Variants in DISP1 observed in about 807,000 individuals in gnomAD.
DISP1 encodes protein dispatched homolog 1.
Under a neutral mutation model 37.3 loss-of-function variants are expected in DISP1, and 30 were observed. That is an observed-to-expected ratio of 0.80 (90% CI 0.60 to 1.09). The LOEUF is 1.09. Among genes scored for constraint, DISP1 ranks in the 50% least tolerant of loss-of-function variants. The pLI is 0.00. For missense variants in DISP1, 1,598 were observed against 1,879.5 expected, an observed-to-expected ratio of 0.85 and a Z score of 2.77; for synonymous variants, 634 against 690.2, an observed-to-expected ratio of 0.92 and a Z score of 1.28.
rs762729584 is a variant in DISP1 at position 222,819,538 on chromosome 1, C to CTT, written c.-159+4478_-159+4479dup. 5.2e-3 allele frequency among the ~76,000 whole-genome samples: 609 copies of CTT among 118,246 alleles called. 3 individuals carry two copies. The highest frequency in any genetic ancestry group is 0.019 in the Middle Eastern group (4 of 214). The allele number at this position is 118,246 out of a possible 152,430, so 77.6% of individuals were successfully genotyped here. A position where few individuals can be genotyped will look rare whatever the true frequency, so the allele number is the denominator to read the frequency against. On this transcript the variant is annotated intron_variant, in intron 1 of 8. Coordinates refer to ENST00000675850, the MANE Select transcript of DISP1 (RefSeq NM_001377229.1). Reference sequence around the variant, plus strand: ...CATACACACACACACACACACATATCTTTTTTTTTTTTTTTTTTTGACACA... The same window carrying CTT: ...CATACACACACACACACACACATATCTTTTTTTTTTTTTTTTTTTTTGACACA...
At chr1:222,979,529 G>A (rs1311923964) in intron 3 of DISP1, 8 of 460,408 alleles carry the variant, frequency 1.7e-5, no homozygotes, top group Non-Finnish European at 3.2e-5. Flanking sequence ...GAATTATGTG[G>A]TATATGAATT....
intron 1 of DISP1, among the ~76,000 whole-genome samples, chr1:222,818,146 A>AT (rs961350330): frequency 3.3e-5 from 5 of 150,368 alleles, no homozygotes; most frequent in African/African-American, 7.3e-5. Context: ...AATGATTTGC[A>AT]TGGGGGGGTG....
chr1:222,887,714 G>T (rs1277378300), intron 1 of DISP1, among the ~76,000 whole-genome samples: 1 of 112,674 alleles, frequency 8.9e-6, no homozygotes, highest in African/African-American at 3.2e-5. Context: ...TAGCCAGGAT[G>T]GTCTCGATCT....
At chr1:222,904,117 T>A (rs1287151303) in intron 1 of DISP1, among the ~76,000 whole-genome samples, 1 of 152,230 alleles carries the variant, frequency 6.6e-6, no homozygotes, top group East Asian at 1.9e-4. Context: ...TAGTAAGTTA[T>A]TGGACAAAAG....
chr1:222,944,003 C>G (rs1411928519), intron 3 of DISP1, among the ~76,000 whole-genome samples: 1 of 152,088 alleles, frequency 6.6e-6, no homozygotes, highest in Non-Finnish European at 1.5e-5. Flanking sequence ...GCACTCCAGC[C>G]TGGGCAACAA....
At chr1:222,896,437 C>A (rs749346760) in intron 1 of DISP1, among the ~76,000 whole-genome samples, 1 of 151,960 alleles carries the variant, frequency 6.6e-6, no homozygotes, top group Non-Finnish European at 1.5e-5. Flanking sequence ...CCCGTCTGTA[C>A]TAAAAATACA....
chr1:222,881,646 A>G (rs1231870464), intron 1 of DISP1, among the ~76,000 whole-genome samples: 1 of 152,170 alleles, frequency 6.6e-6, no homozygotes, highest in Non-Finnish European at 1.5e-5. Flanking sequence ...GCAGCTTTAT[A>G]ATGGATTCGT....
chr1:222,938,733 TAAAAAAAAAAAAAAAAA>T lies in DISP1; in HGVS notation c.-17-4061_-17-4045del, dbSNP rs33948431. Reference sequence around the variant, plus strand: ...GGGTGACAGAGCAAGACCCTGTCTTTAAAAAAAAAAAAAAAAAAAAAAAAAAAAAGGAAGGAAGGAAG... The same window carrying T: ...GGGTGACAGAGCAAGACCCTGTCTTTAAAAAAAAAAAAGGAAGGAAGGAAG... On this transcript the variant is annotated intron_variant, in intron 2 of 8. Transcript: ENST00000675850. 1.2e-3 allele frequency among the ~76,000 whole-genome samples: 69 copies of T among 57,630 alleles called. 2 individuals carry two copies. The highest frequency in any genetic ancestry group is 4.2e-3 in the African/African-American group (58 of 13,850). 37.8% of individuals were successfully genotyped at this position (57,630 alleles called of 152,430 possible).
intron 1 of DISP1, among the ~76,000 whole-genome samples, chr1:222,896,604 GAAAA>G (rs143783223): frequency 7.6e-6 from 1 of 132,066 alleles, no homozygotes; most frequent in Non-Finnish European, 1.6e-5. Context: ...CTATCTCAGA[GAAAA>G]AAAAAAAAAG....
chr1:222,926,658 C>G (rs1673102068), intron 1 of DISP1, among the ~76,000 whole-genome samples: 1 of 152,164 alleles, frequency 6.6e-6, no homozygotes, highest in East Asian at 1.9e-4. Flanking sequence ...AGCGCCATAA[C>G]TCATGCCTGA....
At chr1:222,861,762 A>C (rs767301827) in intron 1 of DISP1, among the ~76,000 whole-genome samples, 1 of 152,216 alleles carries the variant, frequency 6.6e-6, no homozygotes, top group East Asian at 1.9e-4. Context: ...AGCAAGTTAT[A>C]CTTTTTTTCT....
intron 1 of DISP1, among the ~76,000 whole-genome samples, chr1:222,869,034 C>T (rs538769860): frequency 1.3e-5 from 2 of 152,194 alleles, no homozygotes; most frequent in South Asian, 4.1e-4. Flanking sequence ...AAGACTTAAA[C>T]CTTCCTTTTG....
At chr1:222,855,838 C>T (rs1668517660) in intron 1 of DISP1, among the ~76,000 whole-genome samples, 1 of 150,760 alleles carries the variant, frequency 6.6e-6, no homozygotes, top group Non-Finnish European at 1.5e-5. Context: ...TGAATGCTTC[C>T]TATCTAATGC....
At chr1:222,907,392 T>G (rs2125414881) in intron 1 of DISP1, among the ~76,000 whole-genome samples, 1 of 152,292 alleles carries the variant, frequency 6.6e-6, no homozygotes, top group East Asian at 1.9e-4. Flanking sequence ...AGCTTTAGCA[T>G]CATCTGGGAG....
intron 1 of DISP1, among the ~76,000 whole-genome samples, chr1:222,821,036 A>G (rs1269189474): frequency 6.6e-6 from 1 of 151,958 alleles, no homozygotes; most frequent in Non-Finnish European, 1.5e-5. Context: ...TTTTGCCTTC[A>G]AGTTTATCAT....
intron 3 of DISP1, chr1:222,979,746 C>A (rs1473739613): frequency 4.4e-6 from 2 of 452,480 alleles, no homozygotes; most frequent in Non-Finnish European, 9.3e-6. Context: ...CACTCCGTCC[C>A]TCTATGCATA....
intron 1 of DISP1, among the ~76,000 whole-genome samples, chr1:222,823,140 A>G (rs1277702679): frequency 6.6e-6 from 1 of 152,230 alleles, no homozygotes; most frequent in East Asian, 1.9e-4. Context: ...GAGAACAAAC[A>G]GTAGAACTAC....
In DISP1 at chr1:222,992,073, G is replaced by C. The variant is rs79910153; in HGVS notation, c.852G>C (p.Trp284Cys). The change falls in exon 7 of 9, where the codon TGG becomes TGC. Residue 284 changes from tryptophan (W) to cysteine (C), a missense_variant. Physicochemically the swap from Trp to Cys is radical, Grantham distance 215. Coordinates refer to ENST00000675850, the MANE Select transcript of DISP1 (RefSeq NM_001377229.1). Reference protein sequence around the residue: ...HYEREKREVDWNFHKDSFFCD... With the variant: ...HYEREKREVDCNFHKDSFFCD... The stretch of plus-strand genomic sequence containing the variant: ...AAAGAGAGAAAAGAGAAGTTGACTG[G>C]AACTTCCACAAGGACAGCTTTTTCT... The C allele has an allele frequency of 6.2e-7, 1 of 1,613,842 alleles. No homozygotes were observed. Among genetic ancestry groups the C allele is most frequent in the African/African-American group, 1.3e-5 (1 of 74,912 alleles).
At chr1:222,903,555 G>T (rs1296141127) in intron 1 of DISP1, among the ~76,000 whole-genome samples, 1 of 151,818 alleles carries the variant, frequency 6.6e-6, no homozygotes, top group South Asian at 2.1e-4. Context: ...GGATAACTTG[G>T]GATATCTGTT....
Sources: gnomAD v4.1 joint callset for allele counts (sites outside exome capture counted in the v4.1 genomes callset) on GRCh38, gnomAD v4.1.1 for gene constraint, MANE v1.5 for transcripts, NCBI Gene and HGNC (gene_info 2026-07-23, HGNC 2026-07-21) for gene names.